SPAG16: variants seen among roughly 807,000 people sequenced by gnomAD.
SPAG16 encodes sperm-associated antigen 16 protein.
A neutral mutation model predicts 80.4 loss-of-function variants in SPAG16; 86 were observed. The ratio of observed to expected loss-of-function variants is 1.07; its 90% CI spans 0.90 to 1.28. The LOEUF is 1.28. SPAG16 is among the 50% of genes most tolerant of loss of function. The pLI is 0.00. For synonymous variants in SPAG16, 294 were observed against 265.9 expected, an observed-to-expected ratio of 1.11 and a Z score of -1.03; for missense variants, 870 against 765.3, an observed-to-expected ratio of 1.14 and a Z score of -1.61.
intron 15 of SPAG16, among the ~76,000 whole-genome samples, chr2:214,282,711 C>T (rs1045964133): frequency 1.3e-5 from 2 of 152,062 alleles, no homozygotes; most frequent in African/African-American, 4.8e-5. Flanking sequence ...TAATATATCT[C>T]CTCAATATAT....
intron 12 of SPAG16, among the ~76,000 whole-genome samples, chr2:213,981,299 A>G (rs1350779171): frequency 1.3e-5 from 2 of 152,148 alleles, no homozygotes; most frequent in Non-Finnish European, 1.5e-5. Flanking sequence ...GGGGGAATCA[A>G]TTCAATTCAT....
At chr2:214,363,281 T>A (rs527247473) in intron 15 of SPAG16, among the ~76,000 whole-genome samples, 1 of 152,054 alleles carries the variant, frequency 6.6e-6, no homozygotes, top group African/African-American at 2.4e-5. Context: ...CCTGCTATCA[T>A]CCTCAAAAAT....
intron 15 of SPAG16, among the ~76,000 whole-genome samples, chr2:214,336,417 A>T (rs1041433419): frequency 1.3e-5 from 2 of 152,220 alleles, no homozygotes; most frequent in Non-Finnish European, 2.9e-5. Context: ...GAATAATTCA[A>T]TGAGGAAGAC....
At chr2:214,380,647 G>A (rs1037650861) in intron 15 of SPAG16, among the ~76,000 whole-genome samples, 9 of 152,170 alleles carry the variant, frequency 5.9e-5, no homozygotes, top group African/African-American at 2.2e-4. Context: ...ACTTAAAACA[G>A]AGCATATCTT....
At chr2:213,839,798 G>GA (rs1379306454) in intron 10 of SPAG16, among the ~76,000 whole-genome samples, 3 of 151,976 alleles carry the variant, frequency 2.0e-5, no homozygotes, top group African/African-American at 7.3e-5. Flanking sequence ...ATCCTATAGT[G>GA]GGGAATTACT....
chr2:214,104,323 A>G lies in SPAG16; in HGVS notation c.1528-3873A>G, dbSNP rs115414485. 3.5e-3 allele frequency among the ~76,000 whole-genome samples: 534 copies of G among 152,274 alleles called. 3 individuals are homozygous for G. Among genetic ancestry groups the G allele is most frequent in the Middle Eastern group, 0.017 (5 of 294 alleles). ...GAGAGTTTGGAGTTCTTTTAGTGCA[A>G]TGATAATTTTTTGGTTGGCTGTATG... On this transcript the variant is annotated intron_variant, in intron 13 of 15. Transcript: ENST00000331683.
chr2:214,404,337 C>T (rs1701877388), intron 15 of SPAG16, among the ~76,000 whole-genome samples: 1 of 152,192 alleles, frequency 6.6e-6, no homozygotes, highest in Admixed American at 6.5e-5. Flanking sequence ...CAAGTCACTT[C>T]AGCTCAGCTG....
chr2:214,290,382 G>C (rs921914233), intron 15 of SPAG16, among the ~76,000 whole-genome samples: 2 of 138,554 alleles, frequency 1.4e-5, no homozygotes, highest in African/African-American at 5.5e-5. Flanking sequence ...ATTGAGCTCT[G>C]ATCTGATATT....
At chr2:213,382,898 C>T (rs189517120) in intron 9 of SPAG16, among the ~76,000 whole-genome samples, 8 of 152,278 alleles carry the variant, frequency 5.3e-5, no homozygotes, top group Middle Eastern at 3.4e-3. Context: ...AAGTTTTCTG[C>T]TGCCTTTGTC....
At chr2:213,463,349 G>C (rs1010249332) in intron 9 of SPAG16, among the ~76,000 whole-genome samples, 2 of 152,234 alleles carry the variant, frequency 1.3e-5, no homozygotes, top group Non-Finnish European at 2.9e-5. Flanking sequence ...GTAACAAGGA[G>C]CTGAATGTTA....
At chr2:213,710,363 T>C (rs2065931157) in intron 10 of SPAG16, among the ~76,000 whole-genome samples, 1 of 152,060 alleles carries the variant, frequency 6.6e-6, no homozygotes, top group African/African-American at 2.4e-5. Flanking sequence ...TCATAAACAA[T>C]TACGTCATGC....
At chr2:214,391,830 A>T (rs570990254) in intron 15 of SPAG16, among the ~76,000 whole-genome samples, 154 of 152,302 alleles carry the variant, frequency 1.0e-3, no homozygotes, top group African/African-American at 3.6e-3. Flanking sequence ...AAGCCCCTAG[A>T]TCTTCTCTCC....
intron 3 of SPAG16, among the ~76,000 whole-genome samples, chr2:213,301,597 A>G (rs2062742067): frequency 1.3e-5 from 2 of 152,056 alleles, no homozygotes; most frequent in Admixed American, 1.3e-4. Flanking sequence ...CACTTAGTCT[A>G]CCTTAAAGCT....
chr2:213,702,866 C>T (rs1373991719), intron 10 of SPAG16, among the ~76,000 whole-genome samples: 1 of 152,260 alleles, frequency 6.6e-6, no homozygotes, highest in African/African-American at 2.4e-5. Context: ...GAAGGGAAGC[C>T]TAACAATAGT....
chr2:213,561,623 T>A (rs1427093756), intron 10 of SPAG16, among the ~76,000 whole-genome samples: 3 of 152,338 alleles, frequency 2.0e-5, no homozygotes, highest in Middle Eastern at 3.4e-3. Flanking sequence ...AAGTGGTATA[T>A]GCACACATGA....
At chr2:213,739,712 C>T (rs1280269254) in intron 10 of SPAG16, among the ~76,000 whole-genome samples, 2 of 152,186 alleles carry the variant, frequency 1.3e-5, no homozygotes. Context: ...AGTGATTCTC[C>T]TGCCTCAGCC....
chr2:214,343,918 A>T (rs1445129115), intron 15 of SPAG16, among the ~76,000 whole-genome samples: 1 of 152,184 alleles, frequency 6.6e-6, no homozygotes, highest in Middle Eastern at 3.2e-3. Context: ...AGGTGAGAGT[A>T]CATATTTAGA....
intron 10 of SPAG16, among the ~76,000 whole-genome samples, chr2:213,857,995 C>A (rs2662657): frequency 6.6e-6 from 1 of 152,048 alleles, no homozygotes; most frequent in Non-Finnish European, 1.5e-5. Flanking sequence ...CCTGAAAATG[C>A]GATTCAATTG....
chr2:213,319,486 T>G (rs1029277809), intron 5 of SPAG16, among the ~76,000 whole-genome samples: 1 of 151,964 alleles, frequency 6.6e-6, no homozygotes, highest in Non-Finnish European at 1.5e-5. Context: ...CAGAAGAATA[T>G]ATTACTAGAA....
Sources: gnomAD v4.1 joint callset for allele counts (sites outside exome capture counted in the v4.1 genomes callset) on GRCh38, gnomAD v4.1.1 for gene constraint, MANE v1.5 for transcripts, NCBI Gene and HGNC (gene_info 2026-07-23, HGNC 2026-07-21) for gene names.